Variants in CSAD observed in about 807,000 individuals in gnomAD.
CSAD encodes the protein P-selectin cytoplasmic tail-associated protein.
In CSAD, 47 loss-of-function variants were observed where a neutral mutation model predicts 61.5. The ratio of observed to expected loss-of-function variants is 0.76; its 90% CI spans 0.60 to 0.97. The LOEUF is 0.97. Ranked by LOEUF, CSAD falls within the 50% of genes least tolerant of loss-of-function variation. The pLI is 0.00. For missense variants in CSAD, 611 were observed against 643.6 expected (o/e 0.95, Z 0.55); for synonymous variants, 245 against 252.7 (o/e 0.97, Z 0.29).
chr12:53,181,237 C>A, upstream of CSAD: 1 of 985,472 alleles, frequency 1.0e-6, no homozygotes, highest in Non-Finnish European at 1.2e-6. Context: ...TTCGGGCGGA[C>A]GGGGAGAACG....
intron 8 of CSAD, 134 bp from the exon 9 acceptor site, chr12:53,170,636 G>T (rs1592339703): frequency 1.4e-6 from 1 of 701,882 alleles, no homozygotes; most frequent in South Asian, 1.6e-5. Flanking sequence ...CATACGAATC[G>T]CCTGGGTGTC....
In CSAD at chr12:53,173,754, G is replaced by C. The variant is rs775395386; in HGVS notation, c.-33C>G. The stretch of plus-strand genomic sequence containing the variant: ...TCTCTGCTCAGGAGAGCCGGAGGCA[G>C]GGTGCACAGGTAGCTCCTCAGGACA... On this transcript the variant is annotated 5_prime_UTR_variant, in exon 3 of 17. Coordinates refer to ENST00000444623, the MANE Select transcript of CSAD (RefSeq NM_001244705.2). 1.6e-4 allele frequency: 264 copies of C among 1,613,058 alleles called. No individual in the cohort carries two copies. Among genetic ancestry groups the C allele is most frequent in the Non-Finnish European group, 2.1e-4 (248 of 1,179,314 alleles).
Position 53,157,848 on chromosome 12 carries a change from G to A in CSAD, c.*663C>T, listed in dbSNP as rs1938736845. On this transcript the variant is annotated 3_prime_UTR_variant, in exon 17 of 17. Transcript: ENST00000444623. The stretch of plus-strand genomic sequence containing the variant: ...TTCCAGGGAAAACTATTAACATTTT[G>A]CCATATTTCATTTTATCAGTCTTTT... 6.6e-6 allele frequency: 1 copy of A among 151,826 alleles called. No homozygotes were observed. The highest frequency in any genetic ancestry group is 2.4e-5 in the African/African-American group (1 of 41,274). 9.4% of individuals were successfully genotyped at this position (151,826 alleles called of 1,614,324 possible).
chr12:53,163,341 C>T (rs895869186), intron 10 of CSAD, among the ~76,000 whole-genome samples: 14 of 152,156 alleles, frequency 9.2e-5, no homozygotes, highest in African/African-American at 3.4e-4. Context: ...CACTGCACTC[C>T]AGCCTCAGCA....
chr12:53,174,593 A>T (rs1301920156), intron 2 of CSAD, among the ~76,000 whole-genome samples: 3 of 152,094 alleles, frequency 2.0e-5, no homozygotes, highest in Non-Finnish European at 4.4e-5. Context: ...CAGGGGTTTG[A>T]GACCAGCCTG....
intron 2 of CSAD, 100 bp from the exon 3 acceptor site, chr12:53,173,870 C>T (rs1940885154): frequency 5.1e-6 from 6 of 1,170,334 alleles, no homozygotes; most frequent in African/African-American, 1.5e-5. Flanking sequence ...ACCATCATCA[C>T]TATCTAACGC....
Position 53,173,719 on chromosome 12 carries a change from C to G in CSAD, c.-7+9G>C. On this transcript the variant is annotated intron_variant, in intron 3 of 16. Transcript: ENST00000444623. ...TGGCCATTTCCACCTAAGGCAGAGA[C>G]AAGCTTACCTCTCTGCTCAGGAGAG... The G allele has an allele frequency of 1.3e-6, 2 of 1,597,760 alleles. No homozygotes were observed. The highest frequency in any genetic ancestry group is 1.7e-6 in the Non-Finnish European group (2 of 1,165,508).
At position 53,160,753 on chromosome 12, in the gene CSAD, G is replaced by A; in HGVS notation, c.966+10C>T. On this transcript the variant is annotated intron_variant, in intron 13 of 16. Coordinates refer to ENST00000444623, the MANE Select transcript of CSAD (RefSeq NM_001244705.2). ...AGGTGGGGCTGGTGCAGGGGCAGGGGCAGACCCACCGAGGTATCCTGGAGA... is the reference window on the plus strand; with the variant it reads ...AGGTGGGGCTGGTGCAGGGGCAGGGACAGACCCACCGAGGTATCCTGGAGA... 1 of 1,550,248 alleles carries A rather than the reference G, an allele frequency of 6.5e-7. No homozygotes were observed. The highest frequency in any genetic ancestry group is 1.2e-5 in the South Asian group (1 of 84,032).
chr12:53,179,766 A>G (rs749359687), intron 1 of CSAD: 5 of 1,608,350 alleles, frequency 3.1e-6, no homozygotes, highest in East Asian at 2.2e-5. Flanking sequence ...TCACGACATA[A>G]TATCACCTAC....
chr12:53,170,630 C>T (rs1300561179), intron 8 of CSAD, 128 bp from the exon 9 acceptor site: 9 of 729,100 alleles, frequency 1.2e-5, no homozygotes, highest in East Asian at 5.3e-5. Context: ...AGCGTGCATA[C>T]GAATCGCCTG....
intron 14 of CSAD, 65 bp from the exon 15 acceptor site, chr12:53,160,003 C>T (rs1461169417): frequency 6.3e-7 from 1 of 1,598,654 alleles, no homozygotes; most frequent in African/African-American, 1.3e-5. Context: ...AGAAGAGGCC[C>T]ACGTAGAATG....
intron 12 of CSAD, 96 bp from the exon 13 acceptor site, chr12:53,160,940 TG>T: frequency 8.0e-7 from 1 of 1,256,222 alleles, no homozygotes; most frequent in Non-Finnish European, 1.1e-6. Context: ...AAAGGGGCTT[TG>T]GTCTCACCCT....
At chr12:53,171,046 A>C in intron 8 of CSAD, 1 of 597,026 alleles carries the variant, frequency 1.7e-6, no homozygotes, top group Non-Finnish European at 3.1e-6. Context: ...AACAAGCCCC[A>C]GGTCATACCA....
chr12:53,160,028 C>T (rs529901006), intron 14 of CSAD, 90 bp from the exon 15 acceptor site: 236 of 1,601,214 alleles, frequency 1.5e-4, no homozygotes, highest in African/African-American at 3.9e-4. Flanking sequence ...ACAGAGAGAC[C>T]GAGAGAAAAG....
At chr12:53,180,451 G>A in intron 1 of CSAD, 1 of 1,188,444 alleles carries the variant, frequency 8.4e-7, no homozygotes, top group Non-Finnish European at 1.1e-6. Flanking sequence ...TCATCGAAGG[G>A]CCGAGGGTCC....
intron 1 of CSAD, chr12:53,180,476 ATGGCGGCCGGGGCGCGCCCCGGCCAC>A (rs1466532888): frequency 8.6e-7 from 1 of 1,166,072 alleles, no homozygotes; most frequent in East Asian, 7.2e-5. Flanking sequence ...CTCAGTCTCG[ATGGCGGCCGGGGCGCGCCCCGGCCAC>A]GGCGCACGCG....
rs1938847729 is a variant in CSAD, at chr12:53,158,627, G to C, written c.1366C>G (p.Gln456Glu). The change falls in exon 17 of 17, where the codon CAG becomes GAG. Residue 456 changes from glutamine to glutamate, a missense_variant. Physicochemically the swap from Gln to Glu is conservative, Grantham distance 29. Coordinates refer to ENST00000444623, the MANE Select transcript of CSAD (RefSeq NM_001244705.2). ...AAGTTGCCCCGGGTCCCGTGGGGCT[G>C]GTAGCCAATCATCATGGAGCCCTCC... is the stretch of plus-strand genomic sequence containing the variant. The part of the protein sequence containing the change: ...VKEGSMMIGY[Q>E]PHGTRGNFFR... 6.2e-7 allele frequency: 1 copy of C among 1,614,046 alleles called. No homozygotes were observed. The highest frequency in any genetic ancestry group is 1.3e-5 in the African/African-American group (1 of 74,930).
At chr12:53,176,173 G>C (rs971661952) in intron 2 of CSAD, among the ~76,000 whole-genome samples, 2 of 152,142 alleles carry the variant, frequency 1.3e-5, no homozygotes, top group African/African-American at 4.8e-5. Flanking sequence ...GCCGAGGCAG[G>C]TGGATCACCT....
intron 12 of CSAD, 134 bp downstream of exon 12, chr12:53,160,993 C>A (rs1341311592): frequency 2.6e-6 from 3 of 1,145,972 alleles, no homozygotes; most frequent in African/African-American, 3.1e-5. Context: ...GACCTCCCAG[C>A]TCCAATCAAT....
Sources: gnomAD v4.1 joint callset for allele counts (sites outside exome capture counted in the v4.1 genomes callset) on GRCh38, gnomAD v4.1.1 for gene constraint, MANE v1.5 for transcripts, NCBI Gene and HGNC (gene_info 2026-07-23, HGNC 2026-07-21) for gene names.